Variants in KIRREL3 observed in about 807,000 individuals in gnomAD.
KIRREL3 encodes kirre like nephrin family adhesion molecule 3.
In KIRREL3, 36 loss-of-function variants were observed where a neutral mutation model predicts 89.7. That is an observed-to-expected ratio of 0.40 (90% CI 0.31 to 0.53). The LOEUF (loss-of-function observed/expected upper bound fraction) is 0.53. KIRREL3 is among the 20% of genes least tolerant of loss of function. The probability of loss-of-function intolerance (pLI) is 0.49; values close to 1 mark genes in which losing one functional copy is unlikely to be tolerated. For missense variants in KIRREL3, 864 were observed against 1,056.6 expected, an observed-to-expected ratio of 0.82 and a Z score of 2.53; for synonymous variants, 445 against 441.4, an observed-to-expected ratio of 1.01 and a Z score of -0.10.
Position 126,620,466 on chromosome 11 carries a change from G to T in KIRREL3, c.56-57554C>A, listed in dbSNP as rs1047719111. 6.6e-6 allele frequency among the ~76,000 whole-genome samples: 1 copy of T among 152,184 alleles called. No individual in the cohort carries two copies. Among genetic ancestry groups the T allele is most frequent in the Non-Finnish European group, 1.5e-5 (1 of 68,034 alleles). ...TCTTTGTTGAGTAGTAATTCTTAAT[G>T]TGAGGCTCTAGGTCCATGAAAGGGC... On this transcript the variant is annotated intron_variant, in intron 1 of 16. Transcript: ENST00000525144. The surrounding 1 kb of genome is among the most constrained non-coding windows in gnomAD (Gnocchi z 4.8).
rs1166544269 is a variant in KIRREL3, at chr11:126,430,498, C to A, written c.1696+921G>T. The stretch of plus-strand genomic sequence containing the variant: ...ATGCGTATGTGTATATATTTGTATG[C>A]TTCCCTATAATTTCCACTGAGACGG... On this transcript the variant is annotated intron_variant, in intron 14 of 16. Transcript: ENST00000525144. The surrounding 1 kb of genome is among the most constrained non-coding windows in gnomAD (Gnocchi z 6.6). 6.6e-6 allele frequency among the ~76,000 whole-genome samples: 1 copy of A among 152,066 alleles called. No homozygotes were observed. The highest frequency in any genetic ancestry group is 6.5e-5 in the Admixed American group (1 of 15,272).
chr11:126,765,112 C>T (rs369976590), intron 1 of KIRREL3, among the ~76,000 whole-genome samples: 1 of 152,174 alleles, frequency 6.6e-6, no homozygotes, highest in African/African-American at 2.4e-5. Flanking sequence ...TTTCTGGAAT[C>T]TTCAAGCCAT....
intron 1 of KIRREL3, among the ~76,000 whole-genome samples, chr11:126,621,359 T>C (rs1943567599): frequency 6.6e-6 from 1 of 152,122 alleles, no homozygotes; most frequent in Non-Finnish European, 1.5e-5. Flanking sequence ...AATAGGAAAA[T>C]CAGGTTCCTC....
chr11:126,999,342 T>C lies in KIRREL3; in HGVS notation c.55+1113A>G, dbSNP rs1183605417. Reference sequence around the variant, plus strand: ...AGAGCAGAAGAAGGAAGCCAGGTTTTTGCTTATATTTGGCTTCTCCCCGAC... The same window carrying C: ...AGAGCAGAAGAAGGAAGCCAGGTTTCTGCTTATATTTGGCTTCTCCCCGAC... On this transcript the variant is annotated intron_variant, in intron 1 of 16. Coordinates refer to ENST00000525144, the MANE Select transcript of KIRREL3 (RefSeq NM_032531.4). This position sits in a 1 kb window ranked among gnomAD's most constrained non-coding sequence, Gnocchi z 5.7. 6.6e-6 allele frequency among the ~76,000 whole-genome samples: 1 copy of C among 152,164 alleles called. No homozygotes were observed. The highest frequency in any genetic ancestry group is 2.4e-5 in the African/African-American group (1 of 41,440).
intron 4 of KIRREL3, among the ~76,000 whole-genome samples, chr11:126,510,469 C>CTTCCT (rs1439371645): frequency 3.4e-5 from 4 of 117,138 alleles, no homozygotes; most frequent in African/African-American, 1.1e-4. Context: ...TCCTTCCTTC[C>CTTCCT]TTTTTTTTGA....
intron 1 of KIRREL3, among the ~76,000 whole-genome samples, chr11:126,873,606 T>C (rs1945178753): frequency 6.6e-6 from 1 of 152,232 alleles, no homozygotes; most frequent in Admixed American, 6.5e-5. Context: ...TACTAGCTCA[T>C]GAAAAATTAT....
rs1948924711 is a variant in KIRREL3 at position 126,739,954 on chromosome 11, G to A, written c.56-177042C>T. ...ATTTCATTGTTTCAGCAGAGATGAGGAAATCTAATCATCCATACAGCTGCA... is the reference window on the plus strand; with the variant it reads ...ATTTCATTGTTTCAGCAGAGATGAGAAAATCTAATCATCCATACAGCTGCA... On this transcript the variant is annotated intron_variant, in intron 1 of 16. Transcript: ENST00000525144. This position sits in a 1 kb window ranked among gnomAD's most constrained non-coding sequence, Gnocchi z 5.5. 6.6e-6 allele frequency among the ~76,000 whole-genome samples: 1 copy of A among 152,136 alleles called. No individual in the cohort carries two copies. Among genetic ancestry groups the A allele is most frequent in the South Asian group, 2.1e-4 (1 of 4,818 alleles).
chr11:126,941,682 G>C (rs1015200001), intron 1 of KIRREL3, among the ~76,000 whole-genome samples: 3 of 152,172 alleles, frequency 2.0e-5, no homozygotes, highest in Non-Finnish European at 4.4e-5. Flanking sequence ...AGGATTCCTG[G>C]AATAGTACAA....
rs1156906719 is a variant in KIRREL3, at chr11:126,627,415, G to T, written c.56-64503C>A. ...ACCTTATTGCTTAGGCTGGCTTTTG[G>T]GTGGTCCTTGCTGGGACAACCAGTG... On this transcript the variant is annotated intron_variant, in intron 1 of 16. Coordinates refer to ENST00000525144, the MANE Select transcript of KIRREL3 (RefSeq NM_032531.4). The surrounding 1 kb of genome is among the most constrained non-coding windows in gnomAD (Gnocchi z 5.0). Among the ~76,000 whole-genome samples the T allele has an allele frequency of 6.6e-6, 1 of 152,148 alleles. No homozygotes were observed. Among genetic ancestry groups the T allele is most frequent in the Non-Finnish European group, 1.5e-5 (1 of 68,024 alleles).
intron 1 of KIRREL3, among the ~76,000 whole-genome samples, chr11:126,938,642 G>A (rs1948306957): frequency 6.6e-6 from 1 of 152,200 alleles, no homozygotes; most frequent in Non-Finnish European, 1.5e-5. Context: ...GTGGGAGTCA[G>A]GTTAGCTAGC....
chr11:126,510,469 C>CTTCCTTCCTTCCTTCA (rs1439371645), intron 4 of KIRREL3, among the ~76,000 whole-genome samples: 3 of 117,138 alleles, frequency 2.6e-5, no homozygotes, highest in African/African-American at 8.4e-5. Flanking sequence ...TCCTTCCTTC[C>CTTCCTTCCTTCCTTCA]TTTTTTTTGA....
intron 1 of KIRREL3, among the ~76,000 whole-genome samples, chr11:126,974,415 A>G (rs1389533998): frequency 1.3e-5 from 2 of 151,658 alleles, no homozygotes; most frequent in Non-Finnish European, 2.9e-5. Context: ...GGTGTAGCCT[A>G]TTACACACCT....
At position 126,685,412 on chromosome 11, in the gene KIRREL3, G is replaced by T. The variant is rs940753539; in HGVS notation, c.56-122500C>A. Reference sequence around the variant, plus strand: ...GATGGGGTAGCTGCCTTACCAGAGAGAGCGGGATTTCTCAGACACTGCTAA... The same window carrying T: ...GATGGGGTAGCTGCCTTACCAGAGATAGCGGGATTTCTCAGACACTGCTAA... On this transcript the variant is annotated intron_variant, in intron 1 of 16. Coordinates refer to ENST00000525144, the MANE Select transcript of KIRREL3 (RefSeq NM_032531.4). The surrounding 1 kb of genome is among the most constrained non-coding windows in gnomAD (Gnocchi z 5.5). Among the ~76,000 whole-genome samples, 1 of 152,166 alleles carries T rather than the reference G, an allele frequency of 6.6e-6. No individual in the cohort carries two copies. Among genetic ancestry groups the T allele is most frequent in the Admixed American group, 6.5e-5 (1 of 15,288 alleles).
In KIRREL3 at chr11:126,627,024, A is replaced by AG; in HGVS notation, c.56-64113_56-64112insC. Among the ~76,000 whole-genome samples, 1 of 152,068 alleles carries AG rather than the reference A, an allele frequency of 6.6e-6. No individual in the cohort carries two copies. The highest frequency in any genetic ancestry group is 1.9e-4 in the East Asian group (1 of 5,164). ...TCAAGAAAAAAAAAAAACAAAAAAA[A>AG]AAGAATAACCACAGTTTTGAAGCCT... On this transcript the variant is annotated intron_variant, in intron 1 of 16. Transcript: ENST00000525144. This position sits in a 1 kb window ranked among gnomAD's most constrained non-coding sequence, Gnocchi z 5.0.
At position 126,682,773 on chromosome 11, in the gene KIRREL3, G is replaced by T. The variant is rs945506911; in HGVS notation, c.56-119861C>A. On this transcript the variant is annotated intron_variant, in intron 1 of 16. Coordinates refer to ENST00000525144, the MANE Select transcript of KIRREL3 (RefSeq NM_032531.4). This position sits in a 1 kb window ranked among gnomAD's most constrained non-coding sequence, Gnocchi z 4.8. ...TCTAACGCCTCTGCTGATCTGACAG[G>T]AGGCAGAGTTCGGGCGGCAATGTTC... Among the ~76,000 whole-genome samples the T allele has an allele frequency of 1.3e-5, 2 of 152,166 alleles. No individual in the cohort carries two copies. The highest frequency in any genetic ancestry group is 4.8e-5 in the African/African-American group (2 of 41,438).
At chr11:126,718,927 C>T (rs1948067979) in intron 1 of KIRREL3, among the ~76,000 whole-genome samples, 1 of 152,134 alleles carries the variant, frequency 6.6e-6, no homozygotes, top group Non-Finnish European at 1.5e-5. Flanking sequence ...CACTCAAGGG[C>T]GTTGATAGAA....
At chr11:126,456,857 A>T (rs1010261969) in intron 6 of KIRREL3, among the ~76,000 whole-genome samples, 15 of 152,178 alleles carry the variant, frequency 9.9e-5, no homozygotes, top group Non-Finnish European at 1.5e-5. Flanking sequence ...TCTGTTTATT[A>T]TCTCTTTTCC....
intron 1 of KIRREL3, among the ~76,000 whole-genome samples, chr11:126,861,803 T>G (rs1273324919): frequency 6.6e-6 from 1 of 152,090 alleles, no homozygotes; most frequent in Non-Finnish European, 1.5e-5. Flanking sequence ...GTGGACTGAC[T>G]GCTTCTCGAG....
At position 126,555,002 on chromosome 11, in the gene KIRREL3, C is replaced by T. The variant is rs1292197251; in HGVS notation, c.133+7833G>A. On this transcript the variant is annotated intron_variant, in intron 2 of 16. Coordinates refer to ENST00000525144, the MANE Select transcript of KIRREL3 (RefSeq NM_032531.4). The surrounding 1 kb of genome is among the most constrained non-coding windows in gnomAD (Gnocchi z 4.2). ...TGATTGCCTTCTTCCTGCACCATCC[C>T]CTTTCCAACTCCTCATTCCGCCAAG... 6.6e-6 allele frequency among the ~76,000 whole-genome samples: 1 copy of T among 152,180 alleles called. No homozygotes were observed. Among genetic ancestry groups the T allele is most frequent in the Non-Finnish European group, 1.5e-5 (1 of 68,032 alleles).
Sources: allele counts gnomAD v4.1 joint callset (sites outside exome capture counted in the v4.1 genomes callset), GRCh38; gene constraint gnomAD v4.1.1; non-coding constraint Gnocchi (gnomAD v3.1); transcripts MANE v1.5; gene names NCBI Gene and HGNC (gene_info 2026-07-23, HGNC 2026-07-21).